Variants in RBFOX1 observed in about 807,000 individuals in gnomAD.
RBFOX1 encodes the protein RNA binding fox-1 homolog 1.
Under a neutral mutation model 57.7 loss-of-function variants are expected in RBFOX1, and 8 were observed. The ratio of observed to expected loss-of-function variants is 0.14; its 90% CI spans 0.08 to 0.25. The LOEUF is 0.25. Among genes scored for constraint, RBFOX1 ranks in the 10% least tolerant of loss-of-function variants. RBFOX1 has a pLI of 1.00. For missense variants in RBFOX1, 611 were observed against 548.5 expected, an observed-to-expected ratio of 1.11 and a Z score of -1.14; for synonymous variants, 326 against 222.4, an observed-to-expected ratio of 1.47 and a Z score of -4.15.
intron 3 of RBFOX1, among the ~76,000 whole-genome samples, chr16:5,629,356 G>T (rs1035994146): frequency 3.3e-5 from 5 of 152,182 alleles, no homozygotes; most frequent in African/African-American, 1.2e-4. Context: ...AGCAGACCCA[G>T]CTATAAACCC....
In RBFOX1 at chr16:7,676,642, A is replaced by C. The variant is rs948175561; in HGVS notation, c.931-132A>C. 2.1e-5 allele frequency: 16 copies of C among 763,716 alleles called. No homozygotes were observed. The African/African-American group carries it at 2.2e-4, about 11-fold the overall frequency. 47.3% of individuals were successfully genotyped at this position (763,716 alleles called of 1,614,324 possible). A position where few individuals can be genotyped will look rare whatever the true frequency, so the allele number is the denominator to read the frequency against. On this transcript the variant is annotated intron_variant, in intron 13 of 15. Coordinates refer to ENST00000550418, the MANE Select transcript of RBFOX1 (RefSeq NM_018723.4). ...GGTGTTTTTGTATTTTCGCTTTGAT[A>C]CTAAGCTTTCATTAACCTCAACTTT... is the stretch of plus-strand genomic sequence containing the variant.
At position 7,189,153 on chromosome 16, in the gene RBFOX1, C is replaced by T. The variant is rs577932578; in HGVS notation, c.27+137055C>T. On this transcript the variant is annotated intron_variant, in intron 4 of 15. Coordinates refer to ENST00000550418, the MANE Select transcript of RBFOX1 (RefSeq NM_018723.4). Reference sequence around the variant, plus strand: ...AGAAAGGAATCCTCAGGGCTGGGCACGGTGGCTCATGCCTGTAATCCCAGC... The same window carrying T: ...AGAAAGGAATCCTCAGGGCTGGGCATGGTGGCTCATGCCTGTAATCCCAGC... Among the ~76,000 whole-genome samples, 97 of 151,972 alleles carry T rather than the reference C, an allele frequency of 6.4e-4. 2 individuals carry two copies. Among genetic ancestry groups the T allele is most frequent in the African/African-American group, 4.6e-4 (19 of 41,470 alleles).
intron 1 of RBFOX1, among the ~76,000 whole-genome samples, chr16:6,278,731 G>C (rs994884359): frequency 2.6e-5 from 4 of 152,028 alleles, no homozygotes; most frequent in Non-Finnish European, 5.9e-5. Flanking sequence ...TTTGCATACA[G>C]CTTAGAGCAG....
chr16:7,264,388 G>A (rs2095048689), intron 4 of RBFOX1, among the ~76,000 whole-genome samples: 1 of 152,220 alleles, frequency 6.6e-6, no homozygotes, highest in East Asian at 1.9e-4. Flanking sequence ...AGCAGACCCA[G>A]TCATCTCCAG....
At chr16:6,378,681 C>T (rs949541262) in intron 2 of RBFOX1, among the ~76,000 whole-genome samples, 4 of 152,162 alleles carry the variant, frequency 2.6e-5, no homozygotes, top group Non-Finnish European at 4.4e-5. Flanking sequence ...CAAATGTCAC[C>T]CTTTAGAGGG....
chr16:6,496,300 A>G (rs1226361975), intron 2 of RBFOX1, among the ~76,000 whole-genome samples: 1 of 152,174 alleles, frequency 6.6e-6, no homozygotes, highest in Non-Finnish European at 1.5e-5. Flanking sequence ...AATATTTGGA[A>G]CTTCCTTCAT....
chr16:6,437,983 G>A (rs1359723575), intron 2 of RBFOX1, among the ~76,000 whole-genome samples: 1 of 152,114 alleles, frequency 6.6e-6, no homozygotes, highest in Non-Finnish European at 1.5e-5. Flanking sequence ...CAAGGAAACT[G>A]CCAGGCTCCT....
At chr16:7,133,245 A>G (rs918601345) in intron 4 of RBFOX1, among the ~76,000 whole-genome samples, 3 of 152,330 alleles carry the variant, frequency 2.0e-5, no homozygotes, top group Admixed American at 2.0e-4. Context: ...TATATGACAG[A>G]ATTTTATATT....
chr16:6,672,229 C>G (rs1341403427), intron 3 of RBFOX1, among the ~76,000 whole-genome samples: 1 of 152,092 alleles, frequency 6.6e-6, no homozygotes, highest in Admixed American at 6.6e-5. Flanking sequence ...ATAATCATTT[C>G]TTATAATCCA....
At chr16:7,508,507 G>A (rs1223249546) in intron 4 of RBFOX1, among the ~76,000 whole-genome samples, 1 of 152,108 alleles carries the variant, frequency 6.6e-6, no homozygotes, top group African/African-American at 2.4e-5. Context: ...CTGTGTTTAT[G>A]TGGTTAGAGA....
intron 3 of RBFOX1, among the ~76,000 whole-genome samples, chr16:6,814,116 T>C (rs1338058701): frequency 1.3e-5 from 2 of 152,146 alleles, no homozygotes; most frequent in Non-Finnish European, 2.9e-5. Flanking sequence ...ATAGCCCACA[T>C]AGGGAGCTTA....
intron 4 of RBFOX1, among the ~76,000 whole-genome samples, chr16:7,109,331 A>C (rs1483136187): frequency 6.6e-6 from 1 of 152,132 alleles, no homozygotes; most frequent in Non-Finnish European, 1.5e-5. Flanking sequence ...CAAAGAGAAA[A>C]TGAACAAATC....
chr16:7,270,090 A>G (rs778269191), intron 4 of RBFOX1, among the ~76,000 whole-genome samples: 9 of 152,214 alleles, frequency 5.9e-5, no homozygotes, highest in Admixed American at 1.3e-4. Flanking sequence ...TCCTCATTTT[A>G]CAAATTGAGA....
chr16:6,911,896 G>C (rs2071712009), intron 3 of RBFOX1, among the ~76,000 whole-genome samples: 1 of 152,178 alleles, frequency 6.6e-6, no homozygotes, highest in Non-Finnish European at 1.5e-5. Context: ...GTGGTCTTCA[G>C]ATGTGGCCAA....
chr16:6,835,441 C>T (rs1174251282), intron 3 of RBFOX1, among the ~76,000 whole-genome samples: 3 of 152,012 alleles, frequency 2.0e-5, no homozygotes, highest in African/African-American at 7.2e-5. Context: ...AATCTCAGTG[C>T]CTTAACACAA....
At chr16:6,243,314 G>C (rs1015522960) in intron 1 of RBFOX1, among the ~76,000 whole-genome samples, 1 of 152,104 alleles carries the variant, frequency 6.6e-6, no homozygotes, top group African/African-American at 2.4e-5. Flanking sequence ...AATTTTAGTT[G>C]AATTGGGAGA....
At chr16:5,443,396 G>A (rs1447167466) in intron 1 of RBFOX1, among the ~76,000 whole-genome samples, 1 of 152,178 alleles carries the variant, frequency 6.6e-6, no homozygotes. Flanking sequence ...GGAGTGCAGT[G>A]TCGCGATCTT....
chr16:5,255,675 C>A (rs2062575565), intron 1 of RBFOX1, among the ~76,000 whole-genome samples: 1 of 151,912 alleles, frequency 6.6e-6, no homozygotes, highest in Non-Finnish European at 1.5e-5. Flanking sequence ...CACCTGCCCA[C>A]CCACCCATCT....
At chr16:6,729,985 A>G (rs8049714) in intron 3 of RBFOX1, among the ~76,000 whole-genome samples, 2 of 151,986 alleles carry the variant, frequency 1.3e-5, no homozygotes, top group Non-Finnish European at 2.9e-5. Context: ...ACAAATGACT[A>G]TACTTGTTGA....
Sources: allele counts gnomAD v4.1 joint callset (sites outside exome capture counted in the v4.1 genomes callset), GRCh38; gene constraint gnomAD v4.1.1; transcripts MANE v1.5; gene names NCBI Gene and HGNC (gene_info 2026-07-23, HGNC 2026-07-21).